The following PON2 variants were observed in gnomAD, a reference collection of about 807,000 sequenced individuals.
PON2 encodes the protein serum paraoxonase/arylesterase 2.
Under a neutral mutation model 36.6 loss-of-function variants are expected in PON2, and 27 were observed. That is an observed-to-expected ratio of 0.74 (90% CI 0.54 to 1.02). The LOEUF is 1.02. Among genes scored for constraint, PON2 ranks in the 50% least tolerant of loss-of-function variants. The pLI, the probability that PON2 is intolerant of heterozygous loss-of-function variation, is 0.00. For missense variants in PON2, 363 were observed against 421.1 expected (o/e 0.86, Z 1.21); for synonymous variants, 149 against 156.3 (o/e 0.95, Z 0.35).
chr7:95,422,114 G>GT (rs769418227), intron 2 of PON2, among the ~76,000 whole-genome samples: 7 of 152,220 alleles, frequency 4.6e-5, no homozygotes, highest in Non-Finnish European at 1.0e-4. Flanking sequence ...GCAAAAAACT[G>GT]TAACAACCCA....
At chr7:95,410,222 G>A (rs1788888517) in intron 5 of PON2, 121 bp from the exon 6 acceptor site, 7 of 831,842 alleles carry the variant, frequency 8.4e-6, no homozygotes, top group Admixed American at 6.4e-5. Context: ...AGGAAAAGAC[G>A]AGCTAAAAAT....
intron 2 of PON2, among the ~76,000 whole-genome samples, chr7:95,421,111 G>A (rs1372652174): frequency 6.6e-6 from 1 of 152,182 alleles, no homozygotes; most frequent in Non-Finnish European, 1.5e-5. Context: ...CTTCACAAGA[G>A]GGGCCATAGG....
rs374693996 is a variant in PON2, at chr7:95,405,281, A to G, written c.*49T>C. Reference sequence around the variant, plus strand: ...TAAATTCCCTCAGAATTAGCAATTCATAGAAAATTAATTGTTAAGTTATCG... The same window carrying G: ...TAAATTCCCTCAGAATTAGCAATTCGTAGAAAATTAATTGTTAAGTTATCG... On this transcript the variant is annotated 3_prime_UTR_variant, in exon 9 of 9. Coordinates refer to ENST00000222572, the MANE Select transcript of PON2 (RefSeq NM_000305.3). The G allele has an allele frequency of 2.8e-5, 44 of 1,582,450 alleles. No individual in the cohort carries two copies. Among genetic ancestry groups the G allele is most frequent in the Non-Finnish European group, 3.6e-5 (41 of 1,152,678 alleles).
At chr7:95,408,779 C>A (rs971361920) in intron 6 of PON2, among the ~76,000 whole-genome samples, 36 of 152,142 alleles carry the variant, frequency 2.4e-4, no homozygotes, top group African/African-American at 6.8e-4. Flanking sequence ...AATTTAATAT[C>A]TTCTCTTATA....
At chr7:95,424,909 G>A (rs1789280369) in intron 1 of PON2, among the ~76,000 whole-genome samples, 1 of 152,068 alleles carries the variant, frequency 6.6e-6, no homozygotes, top group African/African-American at 2.4e-5. Context: ...TCTCAGTGTT[G>A]GTGTTGTGGG....
rs145982397 is a variant in PON2, at chr7:95,428,184, C to T, written c.75-3599G>A. 1.3e-3 allele frequency among the ~76,000 whole-genome samples: 193 copies of T among 152,294 alleles called. 2 individuals are homozygous for T. Among genetic ancestry groups the T allele is most frequent in the African/African-American group, 4.4e-3 (182 of 41,568 alleles). On this transcript the variant is annotated intron_variant, in intron 1 of 8. Transcript: ENST00000222572. ...GACACTCAAAAGGAAAGCTATTTGC[C>T]TTCTCTGTTTTAGGTTCCTTTTGTT...
chr7:95,429,775 G>T (rs1789395956), intron 1 of PON2, among the ~76,000 whole-genome samples: 1 of 152,156 alleles, frequency 6.6e-6, no homozygotes, highest in South Asian at 2.1e-4. Flanking sequence ...ACAAGCCAGG[G>T]CTTTATCTTT....
At chr7:95,434,267 T>C (rs766184900) in intron 1 of PON2, 5 of 152,252 alleles carry the variant, frequency 3.3e-5, no homozygotes, top group Non-Finnish European at 7.3e-5. Context: ...ACCAGAGATT[T>C]TCATTAAAAC....
chr7:95,424,365 A>C (rs1789264711), intron 2 of PON2, 150 bp downstream of exon 2: 1 of 685,710 alleles, frequency 1.5e-6, no homozygotes, highest in African/African-American at 1.8e-5. Context: ...GGTTCATCAG[A>C]TCAAGAGGTT....
At chr7:95,425,774 TG>T (rs1277996954) in intron 1 of PON2, among the ~76,000 whole-genome samples, 7 of 152,164 alleles carry the variant, frequency 4.6e-5, no homozygotes, top group Admixed American at 4.6e-4. Context: ...CTAATTAAAA[TG>T]TTAATCAGTA....
At chr7:95,423,555 T>C (rs1004398756) in intron 2 of PON2, among the ~76,000 whole-genome samples, 4 of 151,956 alleles carry the variant, frequency 2.6e-5, no homozygotes, top group Non-Finnish European at 1.5e-5. Flanking sequence ...TATAGCAAAA[T>C]TGGGGCTTGC....
chr7:95,410,144 T>G, intron 5 of PON2, 43 bp from the exon 6 acceptor site: 5 of 1,456,366 alleles, frequency 3.4e-6, no homozygotes, highest in Non-Finnish European at 4.8e-6. Context: ...AAAAGGCCTG[T>G]TGGTCTCCAT....
intron 6 of PON2, 40 bp downstream of exon 6, chr7:95,409,861 C>T: frequency 6.3e-7 from 1 of 1,594,286 alleles, no homozygotes; most frequent in East Asian, 2.2e-5. Flanking sequence ...GCCAGCACCA[C>T]AACTGAAGAA....
chr7:95,410,200 AT>A (rs1788888251), intron 5 of PON2, 99 bp from the exon 6 acceptor site: 5 of 1,031,044 alleles, frequency 4.8e-6, no homozygotes, highest in Middle Eastern at 2.1e-4. Flanking sequence ...TGTGCTTTAA[AT>A]TTTTGGTAAG....
At chr7:95,431,880 T>C (rs1789450788) in intron 1 of PON2, among the ~76,000 whole-genome samples, 1 of 149,962 alleles carries the variant, frequency 6.7e-6, no homozygotes, top group Non-Finnish European at 1.5e-5. Flanking sequence ...CGCTTAATGC[T>C]AAAAGTATGG....
Position 95,405,386 on chromosome 7 carries a change from C to T in PON2, c.1009G>A (p.Asp337Asn), listed in dbSNP as rs2116445443. The stretch of plus-strand genomic sequence containing the variant: ...AAAGTGCCTATGAGCAGCTTCCCAT[C>T]ATACACTGAGGCTACAGAACTTCCT... ...LQGSSVASVY[D>N]GKLLIGTLYH... Residue 337 changes from aspartate to asparagine, a missense_variant, in exon 9 of 9, where the codon GAT (aspartate) becomes AAT (asparagine). Transcript: ENST00000222572. 2 of 1,613,984 alleles carry T rather than the reference C, an allele frequency of 1.2e-6. No individual in the cohort carries two copies. The highest frequency in any genetic ancestry group is 4.5e-5 in the East Asian group (2 of 44,868).
rs1240282673 is a variant in PON2 at position 95,412,676 on chromosome 7, A to G, written c.202-199T>C. Reference sequence around the variant, plus strand: ...ATACTGAAAGCCTGAAAATAACTGAAAAGAAGATCAGGGATTTATTCTCTT... The same window carrying G: ...ATACTGAAAGCCTGAAAATAACTGAGAAGAAGATCAGGGATTTATTCTCTT... On this transcript the variant is annotated intron_variant, in intron 3 of 8. Coordinates refer to ENST00000222572, the MANE Select transcript of PON2 (RefSeq NM_000305.3). The G allele has an allele frequency of 1.0e-5, 6 of 601,398 alleles. No individual in the cohort carries two copies. In the East Asian group the frequency reaches 1.7e-4, roughly 17 times the overall value. The allele number at this position is 601,398 out of a possible 1,614,324, so 37.3% of individuals were successfully genotyped here. A position where few individuals can be genotyped will look rare whatever the true frequency, so the allele number is the denominator to read the frequency against.
At chr7:95,424,161 T>TA in intron 2 of PON2, 2 of 324,358 alleles carry the variant, frequency 6.2e-6, no homozygotes, top group Non-Finnish European at 1.2e-5. Flanking sequence ...ACTGCCTACA[T>TA]AAAGCTTCCT....
In PON2 at chr7:95,424,504, C is replaced by A; in HGVS notation, c.145+11G>T. 6.2e-7 allele frequency: 1 copy of A among 1,607,276 alleles called. No individual in the cohort carries two copies. Among genetic ancestry groups the A allele is most frequent in the Non-Finnish European group, 8.5e-7 (1 of 1,174,104 alleles). On this transcript the variant is annotated intron_variant, in intron 2 of 8. Transcript: ENST00000222572. ...ATGCAATGTGCCCAACAAGCATTTT[C>A]ATATACATACCAATTCCTTTAATCA...
Sources: gnomAD v4.1 joint callset for allele counts (sites outside exome capture counted in the v4.1 genomes callset) on GRCh38, gnomAD v4.1.1 for gene constraint, MANE v1.5 for transcripts, NCBI Gene and HGNC (gene_info 2026-07-23, HGNC 2026-07-21) for gene names.